LRRC37A3: variants seen among roughly 807,000 people sequenced by gnomAD.
LRRC37A3 encodes the protein leucine rich repeat containing 37 member A3, also known as leucine-rich repeat-containing protein 37A3.
In LRRC37A3, 25 loss-of-function variants were observed where a neutral mutation model predicts 106.2. That is an observed-to-expected ratio of 0.24 (90% CI 0.17 to 0.33). The LOEUF (loss-of-function observed/expected upper bound fraction) is 0.33, where lower values mean the gene tolerates loss of function less well. Ranked by LOEUF, LRRC37A3 falls within the 10% of genes least tolerant of loss-of-function variation. The pLI, the probability that LRRC37A3 is intolerant of heterozygous loss-of-function variation, is 1.00. For synonymous variants in LRRC37A3, 305 were observed against 635.8 expected, an observed-to-expected ratio of 0.48 and a Z score of 7.83; for missense variants, 712 against 1,644.9, an observed-to-expected ratio of 0.43 and a Z score of 9.81.
chr17:64,869,208 G>T, intron 8 of LRRC37A3, 42 bp from the exon 9 acceptor site: 1 of 1,600,160 alleles, frequency 6.2e-7, no homozygotes, highest in Non-Finnish European at 8.5e-7. Flanking sequence ...CATTTTCAAT[G>T]TGTAAAACTG....
chr17:64,872,014 C>T (rs1350406610), intron 8 of LRRC37A3, among the ~76,000 whole-genome samples: 3 of 151,158 alleles, frequency 2.0e-5, no homozygotes, highest in Admixed American at 1.3e-4. Flanking sequence ...CGCCTGTAGT[C>T]CCAGCTACTC....
At chr17:64,881,297 C>A in intron 8 of LRRC37A3, 1 of 679,664 alleles carries the variant, frequency 1.5e-6, no homozygotes, top group South Asian at 1.6e-5. Flanking sequence ...GGCTGGAGTG[C>A]AGTGCAGTGG....
intron 2 of LRRC37A3, among the ~76,000 whole-genome samples, chr17:64,915,197 T>C (rs938200827): frequency 2.6e-5 from 4 of 152,030 alleles, no homozygotes; most frequent in Non-Finnish European, 5.9e-5. Flanking sequence ...GATTTGATCA[T>C]TACACACTGT....
chr17:64,855,999 CTT>C (rs1972665699), intron 13 of LRRC37A3, 110 bp from the exon 14 acceptor site: 1 of 1,590,836 alleles, frequency 6.3e-7, no homozygotes, highest in African/African-American at 1.4e-5. Context: ...GATGAGGTAA[CTT>C]TTTTGAAGAC....
At chr17:64,867,534 G>T (rs1329230424) in intron 10 of LRRC37A3, among the ~76,000 whole-genome samples, 2 of 151,998 alleles carry the variant, frequency 1.3e-5, no homozygotes, top group South Asian at 4.2e-4. Flanking sequence ...ATGACATAAT[G>T]TTTGTATACA....
At chr17:64,898,836 C>CAATCCCTATTT (rs1417598937) in intron 2 of LRRC37A3, 1 of 614,576 alleles carries the variant, frequency 1.6e-6, no homozygotes, top group African/African-American at 2.4e-5. Context: ...AATTTAGAAA[C>CAATCCCTATTT]AATCCCTATT....
chr17:64,866,628 A>ATATATT (rs1491179388), intron 10 of LRRC37A3, among the ~76,000 whole-genome samples: 5 of 17,872 alleles, frequency 2.8e-4, no homozygotes, highest in Non-Finnish European at 4.3e-4. Context: ...ATATATATAT[A>ATATATT]TTTTTTTTTT....
chr17:64,866,586 GTACATATATATATATATATATATATA>G (rs1973083892), intron 10 of LRRC37A3, among the ~76,000 whole-genome samples: 1 of 27,542 alleles, frequency 3.6e-5, no homozygotes, highest in Non-Finnish European at 6.4e-5. Flanking sequence ...ATATATACAC[GTACATATATATATATATATATATATA>G]TATATATATA....
chr17:64,884,367 T>C (rs1295634583), intron 8 of LRRC37A3, among the ~76,000 whole-genome samples: 2 of 151,210 alleles, frequency 1.3e-5, no homozygotes, highest in Admixed American at 6.6e-5. Context: ...ATTATTATTA[T>C]ATTATTATTA....
chr17:64,876,666 T>C (rs1973525394), intron 8 of LRRC37A3, among the ~76,000 whole-genome samples: 1 of 152,070 alleles, frequency 6.6e-6, no homozygotes, highest in Non-Finnish European at 1.5e-5. Context: ...TGAATCTGAC[T>C]TGAGAAAAAA....
At chr17:64,875,124 A>C (rs1183647511) in intron 8 of LRRC37A3, among the ~76,000 whole-genome samples, 1 of 151,924 alleles carries the variant, frequency 6.6e-6, no homozygotes, top group Non-Finnish European at 1.5e-5. Context: ...AAACAACAAC[A>C]AAAAAAACTG....
intron 2 of LRRC37A3, among the ~76,000 whole-genome samples, chr17:64,917,837 G>A (rs1210215103): frequency 7.6e-5 from 11 of 145,336 alleles, no homozygotes; most frequent in African/African-American, 2.3e-4. Context: ...GCGTAGTGGC[G>A]GGCGCCTGTA....
chr17:64,913,336 G>GTTTTTTT (rs1567788647), intron 2 of LRRC37A3, among the ~76,000 whole-genome samples: 1 of 125,414 alleles, frequency 8.0e-6, no homozygotes, highest in Non-Finnish European at 1.7e-5. Flanking sequence ...GCCTATTTTG[G>GTTTTTTT]GTTTTTTTTT....
chr17:64,861,358 G>C (rs1385167324), intron 11 of LRRC37A3, among the ~76,000 whole-genome samples: 1 of 152,208 alleles, frequency 6.6e-6, no homozygotes, highest in Non-Finnish European at 1.5e-5. Context: ...CAGATGCAGA[G>C]AGAGCACAAG....
At chr17:64,868,732 C>T (rs1973204054) in intron 9 of LRRC37A3, among the ~76,000 whole-genome samples, 196 bp from the exon 10 acceptor site, 1 of 139,128 alleles carries the variant, frequency 7.2e-6, no homozygotes, top group South Asian at 2.2e-4. Flanking sequence ...AGAACTTACA[C>T]TTTTTTTTTT....
intron 8 of LRRC37A3, among the ~76,000 whole-genome samples, chr17:64,875,068 C>G (rs955330045): frequency 7.3e-5 from 11 of 151,562 alleles, no homozygotes; most frequent in Admixed American, 4.6e-4. Context: ...TCCCCCTCTG[C>G]GAGAAACACC....
At chr17:64,858,334 A>C (rs1416337665) in intron 13 of LRRC37A3, among the ~76,000 whole-genome samples, 1 of 152,224 alleles carries the variant, frequency 6.6e-6, no homozygotes, top group Non-Finnish European at 1.5e-5. Context: ...AAATCTAATA[A>C]GTCTACAAGA....
chr17:64,863,068 A>C (rs748435864), intron 10 of LRRC37A3, 50 bp from the exon 11 acceptor site: 2 of 1,594,888 alleles, frequency 1.3e-6, no homozygotes, highest in South Asian at 2.2e-5. Context: ...CGGTTACTTG[A>C]GTAGGTAAAG....
chr17:64,872,064 G>A (rs1251999374), intron 8 of LRRC37A3, among the ~76,000 whole-genome samples: 3 of 149,252 alleles, frequency 2.0e-5, no homozygotes, highest in African/African-American at 7.4e-5. Context: ...CCCGGGAGGT[G>A]GAGCTTGCAG....
Sources: allele counts gnomAD v4.1 joint callset (sites outside exome capture counted in the v4.1 genomes callset), GRCh38; gene constraint gnomAD v4.1.1; transcripts MANE v1.5; gene names NCBI Gene and HGNC (gene_info 2026-07-23, HGNC 2026-07-21).